Variants in ERBB4 observed in about 807,000 individuals in gnomAD.
The protein encoded by ERBB4 is erb-b2 receptor tyrosine kinase 4, also known as receptor tyrosine-protein kinase erbB-4.
Under a neutral mutation model 158.0 loss-of-function variants are expected in ERBB4, and 42 were observed. The ratio of observed to expected loss-of-function variants is 0.27; its 90% confidence interval spans 0.21 to 0.34. The LOEUF (loss-of-function observed/expected upper bound fraction) is 0.34, where lower values mean the gene tolerates loss of function less well. Among genes scored for constraint, ERBB4 ranks in the 10% least tolerant of loss-of-function variants. ERBB4 has a pLI of 1.00. For synonymous variants in ERBB4, 583 were observed against 558.7 expected (o/e 1.04, Z -0.61); for missense variants, 1,333 against 1,624.1 (o/e 0.82, Z 3.08).
chr2:211,933,668 T>G (rs1349547886), intron 3 of ERBB4, among the ~76,000 whole-genome samples: 2 of 152,028 alleles, frequency 1.3e-5, no homozygotes, highest in Non-Finnish European at 2.9e-5. Context: ...ATAATATAGT[T>G]GAAAAAGGAC....
chr2:211,964,342 A>G (rs2081259144), intron 2 of ERBB4, among the ~76,000 whole-genome samples: 1 of 152,214 alleles, frequency 6.6e-6, no homozygotes, highest in Non-Finnish European at 1.5e-5. Context: ...CATTTCATAT[A>G]AATATCACAT....
chr2:211,582,832 A>G (rs2068144932), intron 19 of ERBB4, among the ~76,000 whole-genome samples: 1 of 152,160 alleles, frequency 6.6e-6, no homozygotes, highest in African/African-American at 2.4e-5. Context: ...AAAATGTAGC[A>G]TGAAGAAAGC....
intron 20 of ERBB4, among the ~76,000 whole-genome samples, chr2:211,495,964 C>T (rs2065458543): frequency 1.3e-5 from 2 of 151,972 alleles, no homozygotes; most frequent in African/African-American, 4.8e-5. Context: ...AAAATAATCT[C>T]CATACTGATA....
rs13395293 is a variant in ERBB4, at chr2:211,999,875, G to A, written c.235-52259C>T. On this transcript the variant is annotated intron_variant, in intron 2 of 27. Transcript: ENST00000342788. Reference sequence around the variant, plus strand: ...GATGGTCAGCAATAGGTCAATCAATGATTCATTTCTGTCTCTTTCTAAAAA... The same window carrying A: ...GATGGTCAGCAATAGGTCAATCAATAATTCATTTCTGTCTCTTTCTAAAAA... Among the ~76,000 whole-genome samples the A allele has an allele frequency of 9.5e-3, 1,434 of 151,622 alleles. 19 individuals are homozygous for A. The highest frequency in any genetic ancestry group is 0.033 in the African/African-American group (1,372 of 41,436).
Position 211,383,874 on chromosome 2 carries a change from T to C in ERBB4, c.3668A>G (p.Lys1223Arg), listed in dbSNP as rs1281587425. The change falls in exon 28 of 28, where the codon AAG becomes AGG. Residue 1223 changes from lysine (K) to arginine (R), a missense_variant. This residue lies in a region of ERBB4 where 84 missense variants were observed against 110.8 expected (regional missense o/e 0.76). Coordinates refer to ENST00000342788, the MANE Select transcript of ERBB4 (RefSeq NM_005235.3). ...ANTLGKAEYL[K>R]NNILSMPEKA... Reference sequence around the variant, plus strand: ...CTCTGGCATTGACAGTATGTTGTTCTTCAGGTACTCAGCTTTTCCCAAGGT... The same window carrying C: ...CTCTGGCATTGACAGTATGTTGTTCCTCAGGTACTCAGCTTTTCCCAAGGT... 1 of 1,614,032 alleles carries C rather than the reference T, an allele frequency of 6.2e-7. No individual in the cohort carries two copies. The highest frequency in any genetic ancestry group is 8.5e-7 in the Non-Finnish European group (1 of 1,180,032).
chr2:212,055,331 G>C (rs1389383244), intron 2 of ERBB4, among the ~76,000 whole-genome samples: 1 of 152,232 alleles, frequency 6.6e-6, no homozygotes, highest in Non-Finnish European at 1.5e-5. Flanking sequence ...CATGACAGCT[G>C]AATGAGGCCT....
intron 20 of ERBB4, among the ~76,000 whole-genome samples, chr2:211,510,454 C>T (rs7575524): frequency 0.023 from 3,499 of 152,076 alleles, 152 homozygotes; most frequent in African/African-American, 0.08. Flanking sequence ...CATGTGTGTC[C>T]CCTGAATCTA....
At chr2:212,214,594 T>TA (rs910567815) in intron 1 of ERBB4, among the ~76,000 whole-genome samples, 2 of 151,712 alleles carry the variant, frequency 1.3e-5, no homozygotes, top group African/African-American at 4.8e-5. Context: ...ACACACCTGG[T>TA]AAAATCAAGT....
intron 1 of ERBB4, among the ~76,000 whole-genome samples, chr2:212,516,011 C>T (rs1006812336): frequency 3.3e-5 from 5 of 151,874 alleles, no homozygotes; most frequent in African/African-American, 1.2e-4. Flanking sequence ...AATTGTATCA[C>T]TAAATGTGTT....
chr2:212,394,377 ATAATGT>A (rs1408223072), intron 1 of ERBB4, among the ~76,000 whole-genome samples: 1 of 152,138 alleles, frequency 6.6e-6, no homozygotes, highest in African/African-American at 2.4e-5. Context: ...TGTCGCTAAT[ATAATGT>A]TAATCTATTG....
At chr2:211,727,161 C>T (rs1452614844) in intron 5 of ERBB4, among the ~76,000 whole-genome samples, 4 of 152,072 alleles carry the variant, frequency 2.6e-5, no homozygotes, top group Admixed American at 6.6e-5. Flanking sequence ...AAAATATATC[C>T]ACGTTATATG....
At chr2:212,354,172 A>C (rs550381433) in intron 1 of ERBB4, among the ~76,000 whole-genome samples, 79 of 152,200 alleles carry the variant, frequency 5.2e-4, no homozygotes, top group Non-Finnish European at 8.5e-4. Flanking sequence ...CATGCACTTG[A>C]TTAATCAAAA....
intron 2 of ERBB4, among the ~76,000 whole-genome samples, chr2:212,114,594 CTG>C (rs761034783): frequency 9.2e-5 from 14 of 152,174 alleles, no homozygotes; most frequent in Non-Finnish European, 1.8e-4. Flanking sequence ...TGTACTTTCT[CTG>C]TGTTTGTCTT....
At chr2:212,449,003 T>G (rs2092406405) in intron 1 of ERBB4, among the ~76,000 whole-genome samples, 1 of 152,158 alleles carries the variant, frequency 6.6e-6, no homozygotes, top group Non-Finnish European at 1.5e-5. Context: ...TGAGGTCATT[T>G]ATCTCTTCAT....
intron 2 of ERBB4, among the ~76,000 whole-genome samples, chr2:212,115,249 T>C (rs555989355): frequency 7.2e-5 from 11 of 152,264 alleles, no homozygotes; most frequent in African/African-American, 1.9e-4. Context: ...CTTTTGATCC[T>C]TAAATTATAC....
intron 1 of ERBB4, among the ~76,000 whole-genome samples, chr2:212,444,067 G>GA (rs751479825): frequency 6.6e-6 from 1 of 152,128 alleles, no homozygotes. Context: ...GTTACATGAG[G>GA]AAGTGGCTCA....
intron 1 of ERBB4, among the ~76,000 whole-genome samples, chr2:212,257,920 CTG>C (rs2084800539): frequency 6.6e-6 from 1 of 152,116 alleles, no homozygotes; most frequent in Admixed American, 6.6e-5. Flanking sequence ...GGTCCCCAAT[CTG>C]TCACTGACTC....
chr2:212,159,187 G>C (rs1366002469), intron 1 of ERBB4, among the ~76,000 whole-genome samples: 1 of 151,658 alleles, frequency 6.6e-6, no homozygotes, highest in Non-Finnish European at 1.5e-5. Flanking sequence ...TGAGCCACTT[G>C]CAGATCCTGA....
At chr2:211,646,745 G>T (rs1013409685) in intron 16 of ERBB4, among the ~76,000 whole-genome samples, 5 of 151,600 alleles carry the variant, frequency 3.3e-5, no homozygotes, top group Non-Finnish European at 7.4e-5. Context: ...GATGCTGTTA[G>T]ATTCTGATTA....
Sources: gnomAD v4.1 joint callset for allele counts (sites outside exome capture counted in the v4.1 genomes callset) on GRCh38, gnomAD v4.1.1 for gene constraint, gnomAD v4.1.1 regional missense constraint, MANE v1.5 for transcripts, NCBI Gene and HGNC (gene_info 2026-07-23, HGNC 2026-07-21) for gene names.